The following CEP78 variants were observed in gnomAD, a reference collection of about 807,000 sequenced individuals.
CEP78 encodes centrosomal protein of 78 kDa.
Under a neutral mutation model 81.2 loss-of-function variants are expected in CEP78, and 76 were observed. That is an observed-to-expected ratio of 0.94 (90% confidence interval 0.78 to 1.13). The LOEUF (loss-of-function observed/expected upper bound fraction) is 1.13. Among genes scored for constraint, CEP78 ranks in the 50% most tolerant of loss-of-function variants. CEP78 has a pLI of 0.00. For missense variants in CEP78, 918 were observed against 846.8 expected, an observed-to-expected ratio of 1.08 and a Z score of -1.04; for synonymous variants, 293 against 301.4, an observed-to-expected ratio of 0.97 and a Z score of 0.29.
chr9:78,267,620 C>T (rs375876967), intron 16 of CEP78, among the ~76,000 whole-genome samples: 18 of 152,078 alleles, frequency 1.2e-4, no homozygotes, highest in Non-Finnish European at 8.8e-5. Flanking sequence ...GGGATCTCAA[C>T]CAGAACCCAT....
intron 16 of CEP78, chr9:78,266,905 A>G: frequency 1.4e-6 from 2 of 1,430,334 alleles, no homozygotes; most frequent in African/African-American, 1.4e-5. Context: ...TCCAAGACAA[A>G]TAAAAGTAAA....
At chr9:78,265,790 T>G in intron 14 of CEP78, 69 bp from the exon 15 acceptor site, 1 of 862,446 alleles carries the variant, frequency 1.2e-6, no homozygotes, top group Admixed American at 2.1e-5. Flanking sequence ...AGTGAAGAAA[T>G]GAAAGATTAG....
chr9:78,247,715 C>T (rs545699511), intron 6 of CEP78, among the ~76,000 whole-genome samples: 2 of 152,208 alleles, frequency 1.3e-5, no homozygotes, highest in Admixed American at 6.5e-5. Flanking sequence ...AGTTAGGAGA[C>T]TCACACTGGT....
intron 11 of CEP78, among the ~76,000 whole-genome samples, chr9:78,257,634 G>A (rs1199609107): frequency 2.0e-5 from 3 of 151,308 alleles, no homozygotes; most frequent in Non-Finnish European, 4.4e-5. Flanking sequence ...AGGGAAGGAG[G>A]GAATCAAACT....
chr9:78,243,721 G>A (rs888744127), intron 5 of CEP78, 85 bp downstream of exon 5: 12 of 1,106,902 alleles, frequency 1.1e-5, no homozygotes, highest in South Asian at 4.6e-5. Flanking sequence ...AATGTTGTCC[G>A]AAGGTTTTTT....
At position 78,277,862 on chromosome 9, in the gene CEP78, T is replaced by TAG; in HGVS notation, c.*7011_*7012insAG. 6.6e-6 allele frequency: 1 copy of TAG among 152,208 alleles called. No individual in the cohort carries two copies. The highest frequency in any genetic ancestry group is 1.5e-5 in the Non-Finnish European group (1 of 68,030). The allele number at this position is 152,208 out of a possible 1,614,324, so 9.4% of individuals were successfully genotyped here. A position where few individuals can be genotyped will look rare whatever the true frequency, so the allele number is the denominator to read the frequency against. On this transcript the variant is annotated 3_prime_UTR_variant, in exon 17 of 17. Coordinates refer to ENST00000643273, the MANE Select transcript of CEP78 (RefSeq NM_001330691.3). ...AATTGTTGAATTAGTACATACCAAT[T>TAG]TCTGACATATAACACTCTGCAGCAG...
At chr9:78,252,067 T>G (rs1587579489) in intron 9 of CEP78, 24 bp downstream of exon 9, 1 of 1,541,426 alleles carries the variant, frequency 6.5e-7, no homozygotes, top group African/African-American at 1.4e-5. Context: ...ATTTCCTATC[T>G]TTTAGGATAA....
chr9:78,239,740 G>C (rs888865931), intron 1 of CEP78, among the ~76,000 whole-genome samples: 1 of 152,070 alleles, frequency 6.6e-6, no homozygotes. Context: ...TGCTCCCTCT[G>C]GTTAATGCAT....
Position 78,271,810 on chromosome 9 carries a change from C to G in CEP78, c.*959C>G, listed in dbSNP as rs1049975851. ...TGAACCATTGGGCTTAAATTATCTT[C>G]CCACCTCAGCCTCCCAAGTAGCTGC... is the stretch of plus-strand genomic sequence containing the variant. On this transcript the variant is annotated 3_prime_UTR_variant, in exon 17 of 17. Coordinates refer to ENST00000643273, the MANE Select transcript of CEP78 (RefSeq NM_001330691.3). 2 of 151,912 alleles carry G rather than the reference C, an allele frequency of 1.3e-5. No homozygotes were observed. The highest frequency in any genetic ancestry group is 4.8e-5 in the African/African-American group (2 of 41,368). The allele number at this position is 151,912 out of a possible 1,614,324, so 9.4% of individuals were successfully genotyped here. A position where few individuals can be genotyped will look rare whatever the true frequency, so the allele number is the denominator to read the frequency against.
intron 11 of CEP78, among the ~76,000 whole-genome samples, chr9:78,259,967 A>G (rs1357703165): frequency 6.6e-6 from 1 of 152,174 alleles, no homozygotes; most frequent in African/African-American, 2.4e-5. Context: ...ATTGGCAGGG[A>G]TTTTCTTTAT....
intron 3 of CEP78, among the ~76,000 whole-genome samples, chr9:78,240,962 C>CA (rs1272467045): frequency 1.7e-3 from 231 of 132,120 alleles, no homozygotes; most frequent in Middle Eastern, 0.012. Flanking sequence ...GACTCCGTCT[C>CA]AAAAAAAAAA....
Position 78,241,710 on chromosome 9 carries a change from A to C in CEP78, c.514A>C (p.Ile172Leu), listed in dbSNP as rs779354620. ...DGGLEIICQG[I>L]KSSITLKTVN... ...TTCCATTTTAGTTATTTGTCAAGGT[A>C]TAAAGAGCTCTATCACTCTTAAGAC... The change falls in exon 4 of 17, where the codon ATA becomes CTA. Residue 172 changes from isoleucine (I) to leucine (L), a missense_variant. Coordinates refer to ENST00000643273, the MANE Select transcript of CEP78 (RefSeq NM_001330691.3). 6.9e-6 allele frequency: 11 copies of C among 1,585,872 alleles called. No individual in the cohort carries two copies. The highest frequency in any genetic ancestry group is 8.6e-7 in the Non-Finnish European group (1 of 1,158,112).
chr9:78,267,556 G>T (rs1023134681), intron 16 of CEP78, among the ~76,000 whole-genome samples: 2 of 152,178 alleles, frequency 1.3e-5, no homozygotes, highest in African/African-American at 4.8e-5. Flanking sequence ...TGTCTAAGGA[G>T]ACAGATTATG....
At chr9:78,250,529 A>G (rs775653877) in intron 8 of CEP78, 12 of 227,106 alleles carry the variant, frequency 5.3e-5, no homozygotes, top group Non-Finnish European at 7.6e-5. Context: ...GCCTGAGCTC[A>G]GGAGTTGGAG....
intron 12 of CEP78, among the ~76,000 whole-genome samples, chr9:78,263,412 A>G (rs762236138): frequency 6.6e-6 from 1 of 152,176 alleles, no homozygotes; most frequent in African/African-American, 2.4e-5. Flanking sequence ...AAAAATCTAT[A>G]CCATGAGGAC....
At chr9:78,268,622 AT>A (rs1378981561) in intron 16 of CEP78, among the ~76,000 whole-genome samples, 1 of 151,400 alleles carries the variant, frequency 6.6e-6, no homozygotes, top group Non-Finnish European at 1.5e-5. Context: ...TACTGAAATA[AT>A]TTTTAGACAA....
chr9:78,264,075 A>G (rs1257366926), intron 12 of CEP78, 75 bp from the exon 13 acceptor site: 3 of 1,055,192 alleles, frequency 2.8e-6, no homozygotes, highest in Non-Finnish European at 2.6e-6. Flanking sequence ...AAAATGTTTT[A>G]TTTTAGTTTC....
At chr9:78,250,467 G>T in intron 8 of CEP78, 1 of 316,368 alleles carries the variant, frequency 3.2e-6, no homozygotes. Flanking sequence ...GGCCGGGCAC[G>T]GTGGCTCACG....
chr9:78,263,711 T>C (rs1179423577), intron 12 of CEP78, among the ~76,000 whole-genome samples: 1 of 152,118 alleles, frequency 6.6e-6, no homozygotes, highest in Admixed American at 6.5e-5. Context: ...AAAGGGGCAA[T>C]ATTGGTAATT....
Sources: gnomAD v4.1 joint callset for allele counts (sites outside exome capture counted in the v4.1 genomes callset) on GRCh38, gnomAD v4.1.1 for gene constraint, MANE v1.5 for transcripts, NCBI Gene and HGNC (gene_info 2026-07-23, HGNC 2026-07-21) for gene names.